The following CCDC178 variants were observed in gnomAD, a reference collection of about 807,000 sequenced individuals.
CCDC178 encodes the protein coiled-coil domain-containing protein 178.
In CCDC178, 126 loss-of-function variants were observed where a neutral mutation model predicts 117.4. The ratio of observed to expected loss-of-function variants is 1.07; its 90% CI spans 0.93 to 1.24. The LOEUF (loss-of-function observed/expected upper bound fraction) is 1.24, where lower values mean the gene tolerates loss of function less well. Ranked by LOEUF, CCDC178 falls within the 50% of genes most tolerant of loss-of-function variation. The pLI is 0.00. For missense variants in CCDC178, 1,030 were observed against 986.9 expected (o/e 1.04, Z -0.59); for synonymous variants, 283 against 313.4 (o/e 0.90, Z 1.02).
At chr18:33,309,424 G>T (rs575894495) in intron 11 of CCDC178, among the ~76,000 whole-genome samples, 1 of 152,052 alleles carries the variant, frequency 6.6e-6, no homozygotes, top group African/African-American at 2.4e-5. Context: ...AAAATTGAAA[G>T]AATTAAATAC....
At chr18:33,061,798 C>T (rs946201172) in intron 21 of CCDC178, among the ~76,000 whole-genome samples, 1 of 151,702 alleles carries the variant, frequency 6.6e-6, no homozygotes, top group Non-Finnish European at 1.5e-5. Flanking sequence ...TGTTTTTTTT[C>T]AGCAGTGGCA....
chr18:32,937,529 A>G lies in CCDC178; in HGVS notation c.*482T>C, dbSNP rs2054145682. On this transcript the variant is annotated 3_prime_UTR_variant, in exon 23 of 23. Transcript: ENST00000383096. The stretch of plus-strand genomic sequence containing the variant: ...TGAGAGAGACAGCTCTCAGTGAGCT[A>G]AAAAAGACTGGTAAACACAAAAACA... 6.5e-6 allele frequency: 1 copy of G among 153,648 alleles called. No individual in the cohort carries two copies. Among genetic ancestry groups the G allele is most frequent in the South Asian group, 2.1e-4 (1 of 4,876 alleles). 9.5% of individuals were successfully genotyped at this position (153,648 alleles called of 1,614,324 possible). A position where few individuals can be genotyped will look rare whatever the true frequency, so the allele number is the denominator to read the frequency against.
At chr18:33,167,043 TC>T (rs2058540890) in intron 20 of CCDC178, among the ~76,000 whole-genome samples, 1 of 152,192 alleles carries the variant, frequency 6.6e-6, no homozygotes, top group African/African-American at 2.4e-5. Context: ...GGTTTTCTGT[TC>T]CTGTGTTAGT....
chr18:33,098,829 A>G (rs1447209185), intron 20 of CCDC178, among the ~76,000 whole-genome samples: 1 of 152,034 alleles, frequency 6.6e-6, no homozygotes, highest in Non-Finnish European at 1.5e-5. Flanking sequence ...AGGAATTAAA[A>G]AAAGGATAAG....
At chr18:32,975,205 C>T (rs1346351899) in intron 21 of CCDC178, among the ~76,000 whole-genome samples, 1 of 152,098 alleles carries the variant, frequency 6.6e-6, no homozygotes, top group Non-Finnish European at 1.5e-5. Flanking sequence ...AGAGAATTAA[C>T]TTAGCCATCA....
At chr18:33,233,408 T>A (rs566174817) in intron 15 of CCDC178, among the ~76,000 whole-genome samples, 4 of 152,056 alleles carry the variant, frequency 2.6e-5, no homozygotes, top group Non-Finnish European at 4.4e-5. Context: ...AAAATAAGTA[T>A]GGGAGGTAAA....
chr18:33,216,157 A>C (rs2059163107), intron 18 of CCDC178, among the ~76,000 whole-genome samples: 1 of 152,154 alleles, frequency 6.6e-6, no homozygotes, highest in South Asian at 2.1e-4. Context: ...AAAAAATAAA[A>C]TTGTTTATTC....
In CCDC178 at chr18:33,131,209, T is replaced by C. The variant is rs190835614; in HGVS notation, c.2239-38299A>G. ...TATTCAACAGAAAGTTAAAAGGTCATTTAAACTATCGATTACTGTAGGTGC... is the reference window on the plus strand; with the variant it reads ...TATTCAACAGAAAGTTAAAAGGTCACTTAAACTATCGATTACTGTAGGTGC... On this transcript the variant is annotated intron_variant, in intron 20 of 22. Transcript: ENST00000383096. Among the ~76,000 whole-genome samples, 8 of 152,080 alleles carry C rather than the reference T, an allele frequency of 5.3e-5. No individual in the cohort carries two copies. In the East Asian group the frequency reaches 1.5e-3, roughly 29 times the overall value.
intron 21 of CCDC178, among the ~76,000 whole-genome samples, chr18:33,084,904 T>C (rs2057354767): frequency 6.6e-6 from 1 of 152,156 alleles, no homozygotes; most frequent in South Asian, 2.1e-4. Flanking sequence ...TATACATGTA[T>C]ACATACATGA....
At chr18:32,953,898 G>T (rs548635768) in intron 22 of CCDC178, among the ~76,000 whole-genome samples, 48 of 152,258 alleles carry the variant, frequency 3.2e-4, no homozygotes, top group African/African-American at 1.1e-3. Flanking sequence ...GACTTCTAGA[G>T]ATGTTAATGC....
intron 20 of CCDC178, among the ~76,000 whole-genome samples, chr18:33,095,428 T>C (rs2057527728): frequency 6.6e-6 from 1 of 151,996 alleles, no homozygotes; most frequent in African/African-American, 2.4e-5. Flanking sequence ...ACTTCGGGGA[T>C]ATTACAGCTT....
rs34932085 is a variant in CCDC178, at chr18:33,164,103, CTT to C, written c.2238+47791_2238+47792del. 4.6e-3 allele frequency among the ~76,000 whole-genome samples: 510 copies of C among 111,350 alleles called. 8 individuals carry two copies. The highest frequency in any genetic ancestry group is 0.027 in the East Asian group (101 of 3,802). 73.0% of individuals were successfully genotyped at this position (111,350 alleles called of 152,430 possible). On this transcript the variant is annotated intron_variant, in intron 20 of 22. Coordinates refer to ENST00000383096, the MANE Select transcript of CCDC178 (RefSeq NM_001105528.4). ...TTTGTTCTCAGGATCCGCTTACATT[CTT>C]TTTTTTTTTTTTTTTTTTTTAAACA...
chr18:33,081,286 T>A (rs2057293386), intron 21 of CCDC178, among the ~76,000 whole-genome samples: 1 of 152,238 alleles, frequency 6.6e-6, no homozygotes, highest in African/African-American at 2.4e-5. Flanking sequence ...TTATGTTGAC[T>A]GTTTTTTATT....
chr18:33,333,028 C>G (rs2062689858), intron 10 of CCDC178, 146 bp downstream of exon 10: 2 of 472,410 alleles, frequency 4.2e-6, no homozygotes, highest in Non-Finnish European at 7.4e-6. Flanking sequence ...TGAATACCAA[C>G]AGTTGGTAAT....
chr18:32,972,245 A>G (rs1010739886), intron 22 of CCDC178, among the ~76,000 whole-genome samples: 4 of 152,124 alleles, frequency 2.6e-5, no homozygotes, highest in African/African-American at 9.7e-5. Flanking sequence ...ATGGCTAGCC[A>G]GTTTTCCCAG....
chr18:33,220,156 T>G (rs2059213634), intron 18 of CCDC178, among the ~76,000 whole-genome samples: 1 of 152,116 alleles, frequency 6.6e-6, no homozygotes, highest in Admixed American at 6.6e-5. Context: ...TGCTCCCATC[T>G]GCAGAAACAC....
chr18:33,426,667 C>A (rs552213074), intron 2 of CCDC178, among the ~76,000 whole-genome samples: 107 of 152,240 alleles, frequency 7.0e-4, no homozygotes, highest in African/African-American at 2.3e-3. Context: ...AACGTATTTG[C>A]TTTCTTCTTT....
intron 22 of CCDC178, among the ~76,000 whole-genome samples, chr18:32,959,714 T>C (rs1008962197): frequency 2.0e-5 from 3 of 152,202 alleles, no homozygotes; most frequent in East Asian, 3.9e-4. Flanking sequence ...CATTATATAA[T>C]GATGATGCTA....
At chr18:32,967,053 G>T (rs1051128346) in intron 22 of CCDC178, among the ~76,000 whole-genome samples, 1 of 151,560 alleles carries the variant, frequency 6.6e-6, no homozygotes, top group Non-Finnish European at 1.5e-5. Context: ...AGTTAAATTT[G>T]TAAACTATTT....
Sources: allele counts gnomAD v4.1 joint callset (sites outside exome capture counted in the v4.1 genomes callset), GRCh38; gene constraint gnomAD v4.1.1; transcripts MANE v1.5; gene names NCBI Gene and HGNC (gene_info 2026-07-23, HGNC 2026-07-21).